ARHGAP20: variants seen among roughly 807,000 people sequenced by gnomAD.
ARHGAP20 encodes rho GTPase-activating protein 20.
In ARHGAP20, 34 loss-of-function variants were observed where a neutral mutation model predicts 73.7. The ratio of observed to expected loss-of-function variants is 0.46; its 90% CI spans 0.35 to 0.61. ARHGAP20 has a LOEUF of 0.61. Among genes scored for constraint, ARHGAP20 ranks in the 20% least tolerant of loss-of-function variants. ARHGAP20 has a pLI of 0.00. For synonymous variants in ARHGAP20, 523 were observed against 518.2 expected, an observed-to-expected ratio of 1.01 and a Z score of -0.13; for missense variants, 1,314 against 1,420.9, an observed-to-expected ratio of 0.92 and a Z score of 1.21.
Position 110,579,243 on chromosome 11 carries a change from T to C in ARHGAP20, c.*127A>G, listed in dbSNP as rs536803446. On this transcript the variant is annotated 3_prime_UTR_variant, in exon 15 of 15. Transcript: ENST00000683387. Reference sequence around the variant, plus strand: ...AATAAAGAGAATTATTTCGTTGTCCTAAGTATTAGCAATGATAATCCTTAT... The same window carrying C: ...AATAAAGAGAATTATTTCGTTGTCCCAAGTATTAGCAATGATAATCCTTAT... 1.2e-5 allele frequency: 17 copies of C among 1,403,012 alleles called. No individual in the cohort carries two copies. In the South Asian group the frequency reaches 3.3e-4, roughly 27 times the overall value. 86.9% of individuals were successfully genotyped at this position (1,403,012 alleles called of 1,614,324 possible).
At chr11:110,688,041 T>C (rs1006421454) in intron 2 of ARHGAP20, among the ~76,000 whole-genome samples, 6 of 152,202 alleles carry the variant, frequency 3.9e-5, no homozygotes, top group South Asian at 4.1e-4. Flanking sequence ...TTTGTGCTTA[T>C]ATATAAAATA....
intron 1 of ARHGAP20, among the ~76,000 whole-genome samples, chr11:110,692,445 G>A (rs1475099820): frequency 6.6e-6 from 1 of 152,066 alleles, no homozygotes; most frequent in Non-Finnish European, 1.5e-5. Context: ...TTTGAAGTGT[G>A]AAATGTACCC....
intron 5 of ARHGAP20, 79 bp downstream of exon 5, chr11:110,615,474 T>TG (rs2134902050): frequency 1.5e-6 from 2 of 1,329,390 alleles, no homozygotes; most frequent in African/African-American, 1.5e-5. Flanking sequence ...GGGAATAATT[T>TG]GGGGCACATC....
chr11:110,615,816 T>C (rs1362952982), intron 4 of ARHGAP20, among the ~76,000 whole-genome samples: 1 of 152,228 alleles, frequency 6.6e-6, no homozygotes, highest in Admixed American at 6.5e-5. Context: ...TAAATCCTTT[T>C]GGATGGATCT....
chr11:110,681,543 C>T (rs1183378730), intron 2 of ARHGAP20, among the ~76,000 whole-genome samples: 1 of 152,180 alleles, frequency 6.6e-6, no homozygotes, highest in Non-Finnish European at 1.5e-5. Context: ...GATTTTACTA[C>T]AATCCTCAGT....
intron 14 of ARHGAP20, among the ~76,000 whole-genome samples, chr11:110,582,059 TACC>T (rs753280294): frequency 7.9e-5 from 12 of 151,984 alleles, no homozygotes; most frequent in Non-Finnish European, 1.5e-4. Flanking sequence ...AAAAACATCA[TACC>T]ACAGCATGCT....
chr11:110,711,938 AG>A, intron 1 of ARHGAP20, 188 bp downstream of exon 1: 1 of 1,253,516 alleles, frequency 8.0e-7, no homozygotes, highest in East Asian at 3.2e-5. Flanking sequence ...GCTCTGCGGG[AG>A]GCGGCGGCGC....
intron 2 of ARHGAP20, among the ~76,000 whole-genome samples, chr11:110,672,686 G>A (rs575867432): frequency 5.9e-5 from 9 of 152,198 alleles, no homozygotes; most frequent in Admixed American, 2.0e-4. Flanking sequence ...AAGGTGTCAA[G>A]CCAAAATGTT....
intron 1 of ARHGAP20, among the ~76,000 whole-genome samples, chr11:110,702,307 T>C (rs1207014147): frequency 3.3e-5 from 5 of 151,994 alleles, no homozygotes; most frequent in South Asian, 4.1e-4. Context: ...TCAATAGATG[T>C]AGAAAAGGCC....
intron 3 of ARHGAP20, 108 bp downstream of exon 3, chr11:110,630,520 T>A: frequency 8.6e-7 from 1 of 1,167,850 alleles, no homozygotes; most frequent in Non-Finnish European, 1.2e-6. Context: ...ATATTACCTA[T>A]AGTAACAAAG....
intron 2 of ARHGAP20, among the ~76,000 whole-genome samples, chr11:110,663,728 G>C (rs530441238): frequency 6.6e-6 from 1 of 152,080 alleles, no homozygotes; most frequent in East Asian, 1.9e-4. Context: ...TAAGGGGAGA[G>C]AATAGCTCCC....
At chr11:110,691,053 CA>C in intron 1 of ARHGAP20, 1 of 1,457,542 alleles carries the variant, frequency 6.9e-7, no homozygotes, top group Non-Finnish European at 9.1e-7. Flanking sequence ...CAAGAAAAGA[CA>C]AGTAAAGGAG....
rs1947415611 is a variant in ARHGAP20, at chr11:110,580,279, C to T, written c.2667G>A (p.Lys889=). 1.2e-6 allele frequency: 2 copies of T among 1,614,110 alleles called. No homozygotes were observed. Among genetic ancestry groups the T allele is most frequent in the African/African-American group, 1.3e-5 (1 of 74,932 alleles). The change falls in exon 15 of 15, where the codon AAG becomes AAA. Residue 889 remains lysine, a synonymous_variant. Transcript: ENST00000683387. ...HGEEDYLKRH[K]SLQMEGQKLI... is the part of the protein sequence containing the mutation. ...GCTTCTGCCCCTCCATTTGCAAAGA[C>T]TTATGCCGTTTGAGATAATCCTCCT...
At chr11:110,691,582 T>A (rs1183450444) in intron 1 of ARHGAP20, among the ~76,000 whole-genome samples, 1 of 152,222 alleles carries the variant, frequency 6.6e-6, no homozygotes, top group African/African-American at 2.4e-5. Context: ...TATCCTATTA[T>A]GTGATTCATA....
chr11:110,590,733 C>A lies in ARHGAP20; in HGVS notation c.1220G>T (p.Cys407Phe), dbSNP rs780537987. 41 of 1,613,944 alleles carry A rather than the reference C, an allele frequency of 2.5e-5. No individual in the cohort carries two copies. The highest frequency in any genetic ancestry group is 1.6e-4 in the Middle Eastern group (1 of 6,084). Residue 407 changes from cysteine (C) to phenylalanine (F), a missense_variant, in exon 11 of 15, where the codon TGC becomes TTC. This residue lies in a region of ARHGAP20 where 230 missense variants were observed against 317.6 expected (regional missense o/e 0.72). Transcript: ENST00000683387. ...IFRQSANVKSCRELKEKLNSG... is the reference protein window; with the variant it reads ...IFRQSANVKSFRELKEKLNSG... ...ATTCAATTTCTCTTTTAGTTCTCTG[C>A]AGGATTTCACATTGGCTGATTGCCT...
chr11:110,630,866 A>AT (rs1411106558), intron 2 of ARHGAP20, 74 bp from the exon 3 acceptor site: 18 of 1,473,376 alleles, frequency 1.2e-5, no homozygotes, highest in Middle Eastern at 1.8e-4. Context: ...AAATTCTGTA[A>AT]TTTTTTTTAA....
Position 110,580,905 on chromosome 11 carries a change from A to G in ARHGAP20, c.2041T>C (p.Cys681Arg). 1 of 1,613,638 alleles carries G rather than the reference A, an allele frequency of 6.2e-7. No individual in the cohort carries two copies. The highest frequency in any genetic ancestry group is 8.5e-7 in the Non-Finnish European group (1 of 1,179,538). ...GCTGTGGACAGGTAGCTGGGTGTGCACATGGCAGATGGGGCCCTGGCATGA... is the reference window on the plus strand; with the variant it reads ...GCTGTGGACAGGTAGCTGGGTGTGCGCATGGCAGATGGGGCCCTGGCATGA... ...RDHARAPSAMCTPSYLSTAAA... is the reference protein window; with the variant it reads ...RDHARAPSAMRTPSYLSTAAA... The change falls in exon 15 of 15, where the codon TGC (cysteine) becomes CGC (arginine). Residue 681 changes from cysteine (C) to arginine (R), a missense_variant. This residue lies in a region of ARHGAP20 where 641 missense variants were observed against 636.9 expected (regional missense o/e 1.01). Transcript: ENST00000683387.
chr11:110,585,068 CATATATGAATACATGAAT>C (rs1392728060), intron 12 of ARHGAP20, among the ~76,000 whole-genome samples: 28 of 148,550 alleles, frequency 1.9e-4, no homozygotes, highest in African/African-American at 6.9e-4. Flanking sequence ...TATATGTGAA[CATATATGAATACATGAAT>C]ATATGTGAAT....
chr11:110,656,724 A>G (rs1591146080), intron 2 of ARHGAP20, among the ~76,000 whole-genome samples: 1 of 152,358 alleles, frequency 6.6e-6, no homozygotes, highest in East Asian at 1.9e-4. Flanking sequence ...TTGCATGCTC[A>G]GCCACTGAGG....
Sources: allele counts gnomAD v4.1 joint callset (sites outside exome capture counted in the v4.1 genomes callset), GRCh38; gene constraint gnomAD v4.1.1; regional missense constraint gnomAD v4.1.1; transcripts MANE v1.5; gene names NCBI Gene and HGNC (gene_info 2026-07-23, HGNC 2026-07-21).